The following TRMT61A variants were observed in gnomAD, a reference collection of about 807,000 sequenced individuals.
TRMT61A encodes tRNA methyltransferase 61A.
A neutral mutation model predicts 21.3 loss-of-function variants in TRMT61A; 15 were observed. That is an observed-to-expected ratio of 0.70 (90% CI 0.47 to 1.08). The LOEUF is 1.08. TRMT61A is among the 50% of genes least tolerant of loss of function. TRMT61A has a pLI of 0.00. For synonymous variants in TRMT61A, 183 were observed against 185.5 expected, an observed-to-expected ratio of 0.99 and a Z score of 0.11; for missense variants, 352 against 426.7, an observed-to-expected ratio of 0.83 and a Z score of 1.54.
chr14:103,532,703 C>A lies in TRMT61A; in HGVS notation c.453C>A (p.His151Gln). 6.2e-7 allele frequency: 1 copy of A among 1,612,962 alleles called. No homozygotes were observed. Among genetic ancestry groups the A allele is most frequent in the Non-Finnish European group, 8.5e-7 (1 of 1,179,828 alleles). Residue 151 changes from histidine (H) to glutamine (Q), a missense_variant, in exon 3 of 4, where the codon CAC becomes CAA. By Grantham distance (24) the His-to-Gln change is conservative. Transcript: ENST00000389749. ...AEKAREEFQEHRVGRWVTVRT... is the reference protein window; with the variant it reads ...AEKAREEFQEQRVGRWVTVRT... ...AGGCCCGGGAGGAGTTCCAGGAGCA[C>A]CGTGTGGGCCGCTGGGTGACTGTGC...
In TRMT61A at chr14:103,535,004, G is replaced by A. The variant is rs1369066080; in HGVS notation, c.*183G>A. ...GGCTGTGATGGAGGAGCAGTGCTGG[G>A]GCTGGGCCTCAGCCATTCCTGTCCA... On this transcript the variant is annotated 3_prime_UTR_variant, in exon 4 of 4. Coordinates refer to ENST00000389749, the MANE Select transcript of TRMT61A (RefSeq NM_152307.3). 1 of 791,742 alleles carries A rather than the reference G, an allele frequency of 1.3e-6. No homozygotes were observed. The highest frequency in any genetic ancestry group is 2.1e-6 in the Non-Finnish European group (1 of 467,274). 49.0% of individuals were successfully genotyped at this position (791,742 alleles called of 1,614,324 possible).
At position 103,531,976 on chromosome 14, in the gene TRMT61A, G is replaced by A. The variant is rs949002565; in HGVS notation, c.332-606G>A. Among the ~76,000 whole-genome samples the A allele has an allele frequency of 1.3e-5, 2 of 151,808 alleles. No homozygotes were observed. Among genetic ancestry groups the A allele is most frequent in the African/African-American group, 4.8e-5 (2 of 41,318 alleles). On this transcript the variant is annotated intron_variant, in intron 2 of 3. Coordinates refer to ENST00000389749, the MANE Select transcript of TRMT61A (RefSeq NM_152307.3). This position sits in a 1 kb window ranked among gnomAD's most constrained non-coding sequence, Gnocchi z 5.1. ...GGCAGGTGCGCTGGGGAGGACTGGG[G>A]CCGTGTGGCTGGTGGCCAGGCCCTG...
At chr14:103,532,452 C>G in intron 2 of TRMT61A, 130 bp from the exon 3 acceptor site, 4 of 1,154,880 alleles carry the variant, frequency 3.5e-6, no homozygotes, top group Non-Finnish European at 5.0e-6. Flanking sequence ...GGAATGACGC[C>G]CACCTGTAGC....
In TRMT61A at chr14:103,537,016, C is replaced by T. The variant is rs1294185718; in HGVS notation, c.*2195C>T. ...ACCCAGCTGGGCCTCACCCCACTCC[C>T]TCAGCTTGGATCCTCACGTGGCCTG... is the stretch of plus-strand genomic sequence containing the variant. On this transcript the variant is annotated 3_prime_UTR_variant, in exon 4 of 4. Coordinates refer to ENST00000389749, the MANE Select transcript of TRMT61A (RefSeq NM_152307.3). The T allele has an allele frequency of 6.6e-6, 1 of 152,370 alleles. No homozygotes were observed. Among genetic ancestry groups the T allele is most frequent in the African/African-American group, 2.4e-5 (1 of 41,448 alleles). 9.4% of individuals were successfully genotyped at this position (152,370 alleles called of 1,614,324 possible).
At position 103,534,634 on chromosome 14, in the gene TRMT61A, T is replaced by C. The variant is rs1214778753; in HGVS notation, c.683T>C (p.Leu228Pro). The change falls in exon 4 of 4, where the codon CTG (leucine) becomes CCG (proline). Residue 228 changes from leucine (L) to proline (P), a missense_variant. Physicochemically the swap from Leu to Pro is moderately conservative, Grantham distance 98. Coordinates refer to ENST00000389749, the MANE Select transcript of TRMT61A (RefSeq NM_152307.3). ...CTGGCAGCGCGCGGCTTCTCAGAGC[T>C]GAGCACCCTGGAGGTGCTGCCACAG... is the stretch of plus-strand genomic sequence containing the variant. ...QALAARGFSE[L>P]STLEVLPQVY... is the part of the protein sequence containing the mutation. The C allele has an allele frequency of 2.5e-6, 4 of 1,610,364 alleles. No homozygotes were observed. Among genetic ancestry groups the C allele is most frequent in the Non-Finnish European group, 2.5e-6 (3 of 1,178,550 alleles).
chr14:103,534,110 C>T (rs1263996233), intron 3 of TRMT61A, among the ~76,000 whole-genome samples: 14 of 152,316 alleles, frequency 9.2e-5, no homozygotes, highest in East Asian at 1.9e-4. Context: ...TTCGAGTAGG[C>T]GCCTCCTGTT....
In TRMT61A at chr14:103,531,079, G is replaced by C. The variant is rs998488655; in HGVS notation, c.331+770G>C. Among the ~76,000 whole-genome samples, 1 of 152,144 alleles carries C rather than the reference G, an allele frequency of 6.6e-6. No homozygotes were observed. The highest frequency in any genetic ancestry group is 1.5e-5 in the Non-Finnish European group (1 of 68,014). ...CTGCTGCTCCTGTGCATCCTGTGGTGGGTGCTGGCCTCTCCGCCCCTGCCC... is the reference window on the plus strand; with the variant it reads ...CTGCTGCTCCTGTGCATCCTGTGGTCGGTGCTGGCCTCTCCGCCCCTGCCC... On this transcript the variant is annotated intron_variant, in intron 2 of 3. Transcript: ENST00000389749. The surrounding 1 kb of genome is among the most constrained non-coding windows in gnomAD (Gnocchi z 5.1).
Position 103,532,695 on chromosome 14 carries a change from C to G in TRMT61A, c.445C>G (p.Gln149Glu), listed in dbSNP as rs1244674336. Residue 149 changes from glutamine to glutamate, a missense_variant, in exon 3 of 4, where the codon CAG becomes GAG. By Grantham distance (29) the Gln-to-Glu change is conservative (BLOSUM62 2). Transcript: ENST00000389749. ...QRAEKAREEF[Q>E]EHRVGRWVTV... ...GGCAGAGAAGGCCCGGGAGGAGTTC[C>G]AGGAGCACCGTGTGGGCCGCTGGGT... 6.2e-7 allele frequency: 1 copy of G among 1,613,250 alleles called. No individual in the cohort carries two copies. Among genetic ancestry groups the G allele is most frequent in the Non-Finnish European group, 8.5e-7 (1 of 1,179,966 alleles).
rs760196402 is a variant in TRMT61A at position 103,532,544 on chromosome 14, C to T, written c.332-38C>T. Reference sequence around the variant, plus strand: ...GGGAGGCTGTGGGTCCCGAGCAGTCCCAACTGATGCCTTGCCCATCCCTTC... The same window carrying T: ...GGGAGGCTGTGGGTCCCGAGCAGTCTCAACTGATGCCTTGCCCATCCCTTC... On this transcript the variant is annotated intron_variant, in intron 2 of 3. Transcript: ENST00000389749. The T allele has an allele frequency of 4.3e-6, 7 of 1,612,536 alleles. No individual in the cohort carries two copies. In the South Asian group the frequency reaches 6.6e-5, roughly 15 times the overall value.
At chr14:103,534,035 C>T (rs551289543) in intron 3 of TRMT61A, among the ~76,000 whole-genome samples, 2 of 152,324 alleles carry the variant, frequency 1.3e-5, no homozygotes, top group South Asian at 4.1e-4. Context: ...CAGGCCAGGC[C>T]AAGTGAAGCC....
Position 103,534,695 on chromosome 14 carries a change from C to A in TRMT61A, c.744C>A (p.Pro248=). The A allele has an allele frequency of 1.2e-6, 2 of 1,608,442 alleles. No individual in the cohort carries two copies. The highest frequency in any genetic ancestry group is 1.1e-5 in the South Asian group (1 of 90,914). ...TGCGCACTGTCAGCCTGCCACCGCCCGACCTGGGCACAGGCACAGATGGCC... is the reference window on the plus strand; with the variant it reads ...TGCGCACTGTCAGCCTGCCACCGCCAGACCTGGGCACAGGCACAGATGGCC... ...YNVRTVSLPP[P]DLGTGTDGPA... Residue 248 remains proline, a synonymous_variant, in exon 4 of 4, where the codon CCC becomes CCA. Coordinates refer to ENST00000389749, the MANE Select transcript of TRMT61A (RefSeq NM_152307.3).
Position 103,530,132 on chromosome 14 carries a change from C to T in TRMT61A, c.154C>T (p.Arg52Cys), listed in dbSNP as rs1449356725. The part of the protein sequence containing the change: ...VLRHSVDLIG[R>C]PFGSKVTCGR... ...GCGGCACTCAGTTGACCTTATCGGC[C>T]GCCCCTTCGGCTCCAAGGTGACGTG... The change falls in exon 2 of 4, where the codon CGC (arginine) becomes TGC (cysteine). Residue 52 changes from arginine to cysteine, a missense_variant. Transcript: ENST00000389749. 5.0e-6 allele frequency: 8 copies of T among 1,612,818 alleles called. No homozygotes were observed. The highest frequency in any genetic ancestry group is 6.8e-6 in the Non-Finnish European group (8 of 1,180,020).
rs1397070077 is a variant in TRMT61A at position 103,529,248 on chromosome 14, C to G, written c.-43C>G. 3.1e-6 allele frequency: 1 copy of G among 326,030 alleles called. No homozygotes were observed. The highest frequency in any genetic ancestry group is 6.2e-6 in the Non-Finnish European group (1 of 160,808). The allele number at this position is 326,030 out of a possible 1,614,324, so 20.2% of individuals were successfully genotyped here. A position where few individuals can be genotyped will look rare whatever the true frequency, so the allele number is the denominator to read the frequency against. ...GGAGGCACGTGTGGAGCCCCGGCAG[C>G]AGGAGCGTCGCAGGTGAGACTCCGC... On this transcript the variant is annotated 5_prime_UTR_variant, in exon 1 of 4. Transcript: ENST00000389749.
Position 103,534,899 on chromosome 14 carries a change from C to T in TRMT61A, c.*78C>T, listed in dbSNP as rs1219426636. 6.6e-7 allele frequency: 1 copy of T among 1,509,518 alleles called. No homozygotes were observed. Among genetic ancestry groups the T allele is most frequent in the Admixed American group, 2.0e-5 (1 of 50,720 alleles). The allele number at this position is 1,509,518 out of a possible 1,614,324, so 93.5% of individuals were successfully genotyped here. ...GGAGGCCAGAGGCACCTTATATGGTCAGCGATGCCTGCCAGACACAGACGG... is the reference window on the plus strand; with the variant it reads ...GGAGGCCAGAGGCACCTTATATGGTTAGCGATGCCTGCCAGACACAGACGG... On this transcript the variant is annotated 3_prime_UTR_variant, in exon 4 of 4. Transcript: ENST00000389749.
In TRMT61A at chr14:103,535,122, G is replaced by A. The variant is rs958444540; in HGVS notation, c.*301G>A. ...GGTGTTGAAGCCAAAGGGTGCAGGT[G>A]GGGGAGTCTGACCCCCTCCCAGGTG... On this transcript the variant is annotated 3_prime_UTR_variant, in exon 4 of 4. Coordinates refer to ENST00000389749, the MANE Select transcript of TRMT61A (RefSeq NM_152307.3). 3.2e-6 allele frequency: 2 copies of A among 632,140 alleles called. No homozygotes were observed. Among genetic ancestry groups the A allele is most frequent in the Admixed American group, 2.1e-5 (1 of 47,600 alleles). 39.2% of individuals were successfully genotyped at this position (632,140 alleles called of 1,614,324 possible). A position where few individuals can be genotyped will look rare whatever the true frequency, so the allele number is the denominator to read the frequency against.
rs916506738 is a variant in TRMT61A at position 103,535,915 on chromosome 14, T to A, written c.*1094T>A. ...AGCTGCCGCTGGTGCCTAGGGGGCCTGGGTTTCTGCCCAGGCAGCCAGTGG... is the reference window on the plus strand; with the variant it reads ...AGCTGCCGCTGGTGCCTAGGGGGCCAGGGTTTCTGCCCAGGCAGCCAGTGG... On this transcript the variant is annotated 3_prime_UTR_variant, in exon 4 of 4. Transcript: ENST00000389749. 1 of 153,432 alleles carries A rather than the reference T, an allele frequency of 6.5e-6. No homozygotes were observed. Among genetic ancestry groups the A allele is most frequent in the Non-Finnish European group, 1.4e-5 (1 of 69,016 alleles). The allele number at this position is 153,432 out of a possible 1,614,324, so 9.5% of individuals were successfully genotyped here.
Position 103,534,812 on chromosome 14 carries a change from C to G in TRMT61A, c.861C>G (p.Thr287=), listed in dbSNP as rs1024854745. The change falls in exon 4 of 4, where the codon ACC becomes ACG. Residue 287 remains threonine (T), a synonymous_variant. Transcript: ENST00000389749. ...GCTACCTGACCTTCGCCACCAAGAC[C>G]CCAGGCTAGGGGGCCGCCTCCCAGG... ...HTGYLTFATK[T]PG The G allele has an allele frequency of 1.3e-6, 2 of 1,551,228 alleles. No individual in the cohort carries two copies. The highest frequency in any genetic ancestry group is 2.7e-5 in the African/African-American group (2 of 73,742).
chr14:103,535,042 A>G lies in TRMT61A; in HGVS notation c.*221A>G. 1 of 715,712 alleles carries G rather than the reference A, an allele frequency of 1.4e-6. No individual in the cohort carries two copies. Among genetic ancestry groups the G allele is most frequent in the African/African-American group, 1.7e-5 (1 of 57,632 alleles). The allele number at this position is 715,712 out of a possible 1,614,324, so 44.3% of individuals were successfully genotyped here. A position where few individuals can be genotyped will look rare whatever the true frequency, so the allele number is the denominator to read the frequency against. ...CCATTCCTGTCCAGCCCTGTGGCCC[A>G]TCCCAGCTGCTGTTTGTTGCCAATA... is the stretch of plus-strand genomic sequence containing the variant. On this transcript the variant is annotated 3_prime_UTR_variant, in exon 4 of 4. Transcript: ENST00000389749.
At chr14:103,530,445 C>G in intron 2 of TRMT61A, 136 bp downstream of exon 2, 1 of 815,852 alleles carries the variant, frequency 1.2e-6, no homozygotes, top group Non-Finnish European at 1.9e-6. Context: ...ATGCTGACAG[C>G]AGGGAGTGAA....
Sources: allele counts gnomAD v4.1 joint callset (sites outside exome capture counted in the v4.1 genomes callset), GRCh38; gene constraint gnomAD v4.1.1; non-coding constraint Gnocchi (gnomAD v3.1); transcripts MANE v1.5; gene names NCBI Gene and HGNC (gene_info 2026-07-23, HGNC 2026-07-21).